The following WNT5B variants were observed in gnomAD, a reference collection of about 807,000 sequenced individuals.
The protein encoded by WNT5B is protein Wnt-5b.
Under a neutral mutation model 36.5 loss-of-function variants are expected in WNT5B, and 18 were observed. The observed-to-expected ratio is 0.49, with a 90% CI of 0.34 to 0.73. The LOEUF (loss-of-function observed/expected upper bound fraction) is 0.73. Ranked by LOEUF, WNT5B falls within the 30% of genes least tolerant of loss-of-function variation. The pLI is 0.01. For synonymous variants in WNT5B, 213 were observed against 212.3 expected, an observed-to-expected ratio of 1.00 and a Z score of -0.03; for missense variants, 424 against 508.4, an observed-to-expected ratio of 0.83 and a Z score of 1.60.
In WNT5B at chr12:1,630,348, A is replaced by G; in HGVS notation, c.-57-950A>G. ...GCGCAGGCTCGCTCTAGCAGCACTGACCTGCTGCGGGTCCCAGGGCCTGGG... is the reference window on the plus strand; with the variant it reads ...GCGCAGGCTCGCTCTAGCAGCACTGGCCTGCTGCGGGTCCCAGGGCCTGGG... On this transcript the variant is annotated intron_variant, in intron 1 of 4. Coordinates refer to ENST00000397196, the MANE Select transcript of WNT5B (RefSeq NM_032642.3). This position sits in a 1 kb window ranked among gnomAD's most constrained non-coding sequence, Gnocchi z 5.3. 1.7e-6 allele frequency: 1 copy of G among 572,000 alleles called. No individual in the cohort carries two copies. Among genetic ancestry groups the G allele is most frequent in the South Asian group, 7.6e-5 (1 of 13,154 alleles). The allele number at this position is 572,000 out of a possible 1,614,324, so 35.4% of individuals were successfully genotyped here. A position where few individuals can be genotyped will look rare whatever the true frequency, so the allele number is the denominator to read the frequency against.
At chr12:1,626,081 C>T (rs922685155), upstream of WNT5B, among the ~76,000 whole-genome samples, 8 of 150,784 alleles carry the variant, frequency 5.3e-5, no homozygotes, top group South Asian at 4.2e-4. Context: ...TGGGCTCAAG[C>T]GATCCTCTGG....
upstream of WNT5B, among the ~76,000 whole-genome samples, chr12:1,628,710 A>C (rs2094544498): frequency 6.6e-6 from 1 of 152,234 alleles, no homozygotes. Context: ...GGGTTGAGGC[A>C]AGAAATTTCC....
intron 3 of WNT5B, among the ~76,000 whole-genome samples, chr12:1,634,499 C>T (rs561461427): frequency 2.6e-5 from 4 of 152,306 alleles, no homozygotes; most frequent in East Asian, 1.9e-4. Flanking sequence ...AAAGACACTC[C>T]GCTGGGTTCA....
intron 3 of WNT5B, among the ~76,000 whole-genome samples, chr12:1,635,500 CAAG>C (rs1304907682): frequency 2.0e-5 from 3 of 152,212 alleles, no homozygotes; most frequent in African/African-American, 4.8e-5. Context: ...CAGCTTAATA[CAAG>C]AAGGAGCATT....
At chr12:1,624,285 C>A (rs148761738), upstream of WNT5B, among the ~76,000 whole-genome samples, 1,610 of 146,978 alleles carry the variant, frequency 0.011, 29 homozygotes, top group African/African-American at 0.038. Flanking sequence ...ACTCGGGAGG[C>A]TGAGGCACAA....
chr12:1,639,817 G>A lies in WNT5B; in HGVS notation c.462G>A (p.Arg154=), dbSNP rs752905902. The A allele has an allele frequency of 1.2e-6, 2 of 1,613,736 alleles. No individual in the cohort carries two copies. Among genetic ancestry groups the A allele is most frequent in the Admixed American group, 3.3e-5 (2 of 59,984 alleles). The part of the protein sequence containing the change: ...SRTARPKDLP[R]DWLWGGCGDN... ...CGGCGCGGCCCAAGGACCTGCCCCG[G>A]GACTGGCTGTGGGGCGGCTGTGGGG... is the stretch of plus-strand genomic sequence containing the variant. Residue 154 remains arginine (R), a synonymous_variant, in exon 4 of 5, where the codon CGG becomes CGA. Coordinates refer to ENST00000397196, the MANE Select transcript of WNT5B (RefSeq NM_032642.3).
chr12:1,639,126 TG>T (rs2154439733), intron 3 of WNT5B, among the ~76,000 whole-genome samples: 1 of 151,878 alleles, frequency 6.6e-6, no homozygotes, highest in African/African-American at 2.4e-5. Flanking sequence ...CGGAGGGACT[TG>T]TTTTTTTGTG....
In WNT5B at chr12:1,632,619, C is replaced by G. The variant is rs2094552961; in HGVS notation, c.81-39C>G. ...TGCTGCACACAGGCGTATGCTCACT[C>G]CTGGGCCTTTTTTTCCCCTTTCTGG... On this transcript the variant is annotated intron_variant, in intron 2 of 4. Transcript: ENST00000397196. The surrounding 1 kb of genome is among the most constrained non-coding windows in gnomAD (Gnocchi z 5.8). 2 of 1,575,646 alleles carry G rather than the reference C, an allele frequency of 1.3e-6. No individual in the cohort carries two copies. Among genetic ancestry groups the G allele is most frequent in the East Asian group, 2.3e-5 (1 of 44,218 alleles).
chr12:1,622,389 A>AT (rs1339762270), intron 1 of WNT5B, among the ~76,000 whole-genome samples: 1 of 151,940 alleles, frequency 6.6e-6, no homozygotes, highest in African/African-American at 2.4e-5. Flanking sequence ...GGTCTTACAC[A>AT]TTTTTACATT....
chr12:1,625,821 G>A (rs10773968), upstream of WNT5B, among the ~76,000 whole-genome samples: 85,576 of 151,306 alleles, frequency 0.57, 24,589 homozygotes, highest in African/African-American at 0.63. Flanking sequence ...CCATCACCAC[G>A]CCCAGCTAAT....
chr12:1,643,250 G>C (rs963397573), intron 4 of WNT5B, among the ~76,000 whole-genome samples: 1 of 152,158 alleles, frequency 6.6e-6, no homozygotes, highest in East Asian at 1.9e-4. Flanking sequence ...CCAGATAAAA[G>C]CCTGGTGCCT....
chr12:1,641,589 G>T (rs1240909207), intron 4 of WNT5B, among the ~76,000 whole-genome samples: 2 of 152,000 alleles, frequency 1.3e-5, no homozygotes, highest in African/African-American at 4.8e-5. Flanking sequence ...GATCACCTGA[G>T]GTCAGGAGTT....
At chr12:1,627,813 A>G (rs1319822363), upstream of WNT5B, among the ~76,000 whole-genome samples, 2 of 152,164 alleles carry the variant, frequency 1.3e-5, no homozygotes, top group Non-Finnish European at 2.9e-5. The surrounding 1 kb of genome is among the most constrained non-coding windows in gnomAD (Gnocchi z 5.0). Context: ...AGTCTTCCCA[A>G]GAACCCTACA....
chr12:1,628,587 C>T (rs1000669682), upstream of WNT5B, among the ~76,000 whole-genome samples: 3 of 152,198 alleles, frequency 2.0e-5, no homozygotes, highest in African/African-American at 7.2e-5. Flanking sequence ...AGAGCCTCCC[C>T]TGGTTGAATC....
chr12:1,626,781 G>GGTC (rs2094541853), upstream of WNT5B, among the ~76,000 whole-genome samples: 2 of 150,984 alleles, frequency 1.3e-5, no homozygotes, highest in South Asian at 4.2e-4. Context: ...TAGCCAGGAT[G>GGTC]GTCTCGATCT....
At chr12:1,636,347 C>T (rs1222194071) in intron 3 of WNT5B, among the ~76,000 whole-genome samples, 1 of 151,374 alleles carries the variant, frequency 6.6e-6, no homozygotes, top group East Asian at 1.9e-4. Context: ...GTACCCCAAC[C>T]CCCAACCCTA....
chr12:1,625,970 T>A (rs967670875), upstream of WNT5B, among the ~76,000 whole-genome samples: 1 of 149,172 alleles, frequency 6.7e-6, no homozygotes, highest in African/African-American at 2.5e-5. Context: ...GCCTGTTTTT[T>A]TTCTCTCTCT....
rs2094550231 is a variant in WNT5B at position 1,631,277 on chromosome 12, C to T, written c.-57-21C>T. ...TATCCGCTGAGTTTCCACACTGACTCTCCATTTCTGTTTTCTCCAGGGAAC... is the reference window on the plus strand; with the variant it reads ...TATCCGCTGAGTTTCCACACTGACTTTCCATTTCTGTTTTCTCCAGGGAAC... On this transcript the variant is annotated intron_variant, in intron 1 of 4. Coordinates refer to ENST00000397196, the MANE Select transcript of WNT5B (RefSeq NM_032642.3). 4 of 1,589,236 alleles carry T rather than the reference C, an allele frequency of 2.5e-6. No individual in the cohort carries two copies. In the East Asian group the frequency reaches 9.0e-5, roughly 36 times the overall value.
chr12:1,639,977 G>C lies in WNT5B; in HGVS notation c.621+1G>C. On this transcript the variant is annotated splice_donor_variant, in intron 4 of 4. Transcript: ENST00000397196. LOFTEE classifies it high-confidence loss of function. Reference sequence around the variant, plus strand: ...GCAAAACAACGAGGCCGGTCGCAGGGTAAGCTGGGCCTCCCCGGCCTCCCC... The same window carrying C: ...GCAAAACAACGAGGCCGGTCGCAGGCTAAGCTGGGCCTCCCCGGCCTCCCC... The C allele has an allele frequency of 6.2e-7, 1 of 1,609,816 alleles. No homozygotes were observed. The highest frequency in any genetic ancestry group is 1.1e-5 in the South Asian group (1 of 90,448).
Sources: gnomAD v4.1 joint callset for allele counts (sites outside exome capture counted in the v4.1 genomes callset) on GRCh38, gnomAD v4.1.1 for gene constraint, Gnocchi (gnomAD v3.1) non-coding constraint, MANE v1.5 for transcripts, NCBI Gene and HGNC (gene_info 2026-07-23, HGNC 2026-07-21) for gene names.